LMO3: variants seen among roughly 807,000 people sequenced by gnomAD.
LMO3 encodes LIM domain only protein 3.
LMO3 carries 2 observed loss-of-function variants against 15.8 expected under a neutral mutation model. The ratio of observed to expected loss-of-function variants is 0.13; its 90% confidence interval spans 0.05 to 0.40. The LOEUF (loss-of-function observed/expected upper bound fraction) is 0.40. LMO3 is among the 10% of genes least tolerant of loss of function. LMO3 has a pLI of 0.99. For synonymous variants in LMO3, 62 were observed against 63.8 expected, an observed-to-expected ratio of 0.97 and a Z score of 0.13; for missense variants, 86 against 182.2, an observed-to-expected ratio of 0.47 and a Z score of 3.04.
rs995462347 is a variant in LMO3, at chr12:16,548,552, T to C, written c.*2670A>G. The C allele has an allele frequency of 1.3e-5, 2 of 152,160 alleles. No homozygotes were observed. The highest frequency in any genetic ancestry group is 4.8e-5 in the African/African-American group (2 of 41,448). The allele number at this position is 152,160 out of a possible 1,614,324, so 9.4% of individuals were successfully genotyped here. Reference sequence around the variant, plus strand: ...TTCATCATAGGCAGCCTATGCGAGATGCATCTTAGGAAGGGAGCTTTCGCT... The same window carrying C: ...TTCATCATAGGCAGCCTATGCGAGACGCATCTTAGGAAGGGAGCTTTCGCT... On this transcript the variant is annotated 3_prime_UTR_variant, in exon 4 of 4. Coordinates refer to ENST00000537304, the MANE Select transcript of LMO3 (RefSeq NM_018640.5). This position sits in a 1 kb window ranked among gnomAD's most constrained non-coding sequence, Gnocchi z 4.2.
Position 16,604,828 on chromosome 12 carries a change from G to T in LMO3, c.-9+1238C>A, listed in dbSNP as rs772029071. On this transcript the variant is annotated intron_variant, in intron 1 of 3. Transcript: ENST00000537304. The surrounding 1 kb of genome is among the most constrained non-coding windows in gnomAD (Gnocchi z 5.3). ...TTTTGAGCGGCCAGGAGTGCAGAGC[G>T]CCAGCAAAGTGCATCTATGATAGAC... 7.5e-5 allele frequency: 119 copies of T among 1,596,488 alleles called. No homozygotes were observed. The highest frequency in any genetic ancestry group is 9.7e-5 in the Non-Finnish European group (114 of 1,178,206).
In LMO3 at chr12:16,549,292, A is replaced by G. The variant is rs1194102925; in HGVS notation, c.*1930T>C. 2 of 152,136 alleles carry G rather than the reference A, an allele frequency of 1.3e-5. No individual in the cohort carries two copies. Among genetic ancestry groups the G allele is most frequent in the East Asian group, 3.8e-4 (2 of 5,202 alleles). 9.4% of individuals were successfully genotyped at this position (152,136 alleles called of 1,614,324 possible). On this transcript the variant is annotated 3_prime_UTR_variant, in exon 4 of 4. Coordinates refer to ENST00000537304, the MANE Select transcript of LMO3 (RefSeq NM_018640.5). ...TAATAGTTATTTTTGTGGGCCCCAAATAGCTACTTTTGAATTTCTTTCTTT... is the reference window on the plus strand; with the variant it reads ...TAATAGTTATTTTTGTGGGCCCCAAGTAGCTACTTTTGAATTTCTTTCTTT...
chr12:16,559,162 G>A lies in LMO3; in HGVS notation c.332+1251C>T, dbSNP rs1472402028. Among the ~76,000 whole-genome samples, 1 of 152,158 alleles carries A rather than the reference G, an allele frequency of 6.6e-6. No homozygotes were observed. Among genetic ancestry groups the A allele is most frequent in the East Asian group, 1.9e-4 (1 of 5,198 alleles). ...TTATTGATTATATACTCTGCCAGGT[G>A]TTCTCACAGAAAGTCAGTGAATTCA... On this transcript the variant is annotated intron_variant, in intron 3 of 3. Transcript: ENST00000537304. The surrounding 1 kb of genome is among the most constrained non-coding windows in gnomAD (Gnocchi z 4.1).
intron 2 of LMO3, among the ~76,000 whole-genome samples, chr12:16,571,691 C>T (rs535649177): frequency 4.3e-4 from 66 of 151,972 alleles, no homozygotes; most frequent in Admixed American, 1.4e-3. Flanking sequence ...GGTTCCTTCA[C>T]TGACTCAAAT....
In LMO3 at chr12:16,551,130, G is replaced by A. The variant is rs2137242774; in HGVS notation, c.*92C>T. On this transcript the variant is annotated 3_prime_UTR_variant, in exon 4 of 4. Transcript: ENST00000537304. ...TGCCTTCCTATATCTACGCTATTCA[G>A]TAGGTTCCTGTGTCAATTCTTATGT... is the stretch of plus-strand genomic sequence containing the variant. 2.4e-6 allele frequency: 2 copies of A among 825,018 alleles called. No homozygotes were observed. The highest frequency in any genetic ancestry group is 1.4e-5 in the South Asian group (1 of 70,482). The allele number at this position is 825,018 out of a possible 1,614,324, so 51.1% of individuals were successfully genotyped here.
intron 2 of LMO3, among the ~76,000 whole-genome samples, chr12:16,580,796 A>T (rs1242877087): frequency 6.6e-6 from 1 of 152,148 alleles, no homozygotes; most frequent in African/African-American, 2.4e-5. Flanking sequence ...GCTAATCTCT[A>T]TTGTTAAATT....
intron 2 of LMO3, among the ~76,000 whole-genome samples, chr12:16,567,245 C>T (rs1348941468): frequency 1.3e-5 from 2 of 152,058 alleles, no homozygotes; most frequent in Non-Finnish European, 2.9e-5. Flanking sequence ...CAACTTGGTA[C>T]CTGAAATCCC....
chr12:16,585,598 G>A lies in LMO3; in HGVS notation c.206+15057C>T, dbSNP rs1402731097. Among the ~76,000 whole-genome samples the A allele has an allele frequency of 6.6e-6, 1 of 152,022 alleles. No individual in the cohort carries two copies. The highest frequency in any genetic ancestry group is 2.4e-5 in the African/African-American group (1 of 41,388). On this transcript the variant is annotated intron_variant, in intron 2 of 3. Coordinates refer to ENST00000537304, the MANE Select transcript of LMO3 (RefSeq NM_018640.5). This position sits in a 1 kb window ranked among gnomAD's most constrained non-coding sequence, Gnocchi z 4.7. ...TATCTGAGCATCTCTCATGCATCAG[G>A]CCCTATGTTCCCACCTGTATTTTCT...
At chr12:16,609,411 C>A (rs1046361060), upstream of LMO3, among the ~76,000 whole-genome samples, 1 of 152,146 alleles carries the variant, frequency 6.6e-6, no homozygotes, top group African/African-American at 2.4e-5. Context: ...CAAGCAGTTT[C>A]TTCATTTCCT....
rs996146576 is a variant in LMO3 at position 16,560,167 on chromosome 12, G to C, written c.332+246C>G. On this transcript the variant is annotated intron_variant, in intron 3 of 3. Coordinates refer to ENST00000537304, the MANE Select transcript of LMO3 (RefSeq NM_018640.5). The surrounding 1 kb of genome is among the most constrained non-coding windows in gnomAD (Gnocchi z 5.0). ...GAAGGAATGAGTAAAAGAAGTCAGA[G>C]TTTACGGTAGTGTTTCCATTTTCTG... Among the ~76,000 whole-genome samples, 2 of 152,250 alleles carry C rather than the reference G, an allele frequency of 1.3e-5. No individual in the cohort carries two copies. The highest frequency in any genetic ancestry group is 1.3e-4 in the Admixed American group (2 of 15,292).
At chr12:16,592,311 T>C (rs957993277) in intron 2 of LMO3, among the ~76,000 whole-genome samples, 6 of 152,076 alleles carry the variant, frequency 3.9e-5, no homozygotes, top group Non-Finnish European at 8.8e-5. Context: ...GAAGAGATTC[T>C]TCTAGCTCAG....
rs1489501264 is a variant in LMO3, at chr12:16,585,190, G to A, written c.206+15465C>T. Among the ~76,000 whole-genome samples, 1 of 152,142 alleles carries A rather than the reference G, an allele frequency of 6.6e-6. No homozygotes were observed. Among genetic ancestry groups the A allele is most frequent in the Non-Finnish European group, 1.5e-5 (1 of 68,036 alleles). On this transcript the variant is annotated intron_variant, in intron 2 of 3. Coordinates refer to ENST00000537304, the MANE Select transcript of LMO3 (RefSeq NM_018640.5). This position sits in a 1 kb window ranked among gnomAD's most constrained non-coding sequence, Gnocchi z 4.7. The stretch of plus-strand genomic sequence containing the variant: ...ACGTTATTTTTCCTTCCAGACTCCG[G>A]AACCTGGAGGCAATTGAGTTTGTAA...
chr12:16,583,046 CAAAA>C (rs55665813), intron 2 of LMO3, among the ~76,000 whole-genome samples: 30,384 of 126,592 alleles, frequency 0.24, 3,580 homozygotes, highest in South Asian at 0.34. Context: ...GACTCCGCCT[CAAAA>C]AAAAAAAAAA....
At chr12:16,595,782 G>T (rs1943633207) in intron 2 of LMO3, among the ~76,000 whole-genome samples, 1 of 151,282 alleles carries the variant, frequency 6.6e-6, no homozygotes, top group Non-Finnish European at 1.5e-5. Context: ...GTGTTTAAAA[G>T]CTCAAATGAA....
intron 3 of LMO3, among the ~76,000 whole-genome samples, chr12:16,554,145 T>C (rs1351547512): frequency 1.3e-5 from 2 of 152,162 alleles, no homozygotes; most frequent in Non-Finnish European, 2.9e-5. Context: ...GCTGACTTCA[T>C]ATAGTCTTAG....
intron 2 of LMO3, among the ~76,000 whole-genome samples, chr12:16,562,107 A>G (rs1471380063): frequency 3.3e-5 from 5 of 152,178 alleles, no homozygotes; most frequent in Non-Finnish European, 7.3e-5. Context: ...CGAAAATGTA[A>G]TATCTTAATT....
chr12:16,578,801 G>C (rs1176836542), intron 2 of LMO3, among the ~76,000 whole-genome samples: 1 of 150,620 alleles, frequency 6.6e-6, no homozygotes, highest in African/African-American at 2.4e-5. Context: ...CTGGGAGACA[G>C]AGCGAGATTC....
At position 16,559,506 on chromosome 12, in the gene LMO3, T is replaced by C. The variant is rs1025481933; in HGVS notation, c.332+907A>G. 6.6e-6 allele frequency among the ~76,000 whole-genome samples: 1 copy of C among 152,188 alleles called. No homozygotes were observed. The highest frequency in any genetic ancestry group is 1.5e-5 in the Non-Finnish European group (1 of 68,030). On this transcript the variant is annotated intron_variant, in intron 3 of 3. Coordinates refer to ENST00000537304, the MANE Select transcript of LMO3 (RefSeq NM_018640.5). This position sits in a 1 kb window ranked among gnomAD's most constrained non-coding sequence, Gnocchi z 4.1. The stretch of plus-strand genomic sequence containing the variant: ...TTAGTGGCAGAGCCCATATTAGAAT[T>C]TAGGTTTCCAGGTTCCCTGTTCAAC...
intron 1 of LMO3, 116 bp downstream of exon 1, chr12:16,605,950 T>C: frequency 1.2e-6 from 1 of 842,642 alleles, no homozygotes. Flanking sequence ...AGTTTATGCC[T>C]CATTAGCAGA....
Sources: allele counts gnomAD v4.1 joint callset (sites outside exome capture counted in the v4.1 genomes callset), GRCh38; gene constraint gnomAD v4.1.1; non-coding constraint Gnocchi (gnomAD v3.1); transcripts MANE v1.5; gene names NCBI Gene and HGNC (gene_info 2026-07-23, HGNC 2026-07-21).